Variants in LRIT3 observed in about 807,000 individuals in gnomAD.
LRIT3 encodes leucine-rich repeat, immunoglobulin-like domain and transmembrane domain-containing protein 3.
In LRIT3, 14 loss-of-function variants were observed where a neutral mutation model predicts 22.6. The observed-to-expected ratio is 0.62, with a 90% CI of 0.41 to 0.97. The LOEUF is 0.97. LRIT3 is among the 50% of genes least tolerant of loss of function. The probability of loss-of-function intolerance (pLI) is 0.00; values close to 1 mark genes in which losing one functional copy is unlikely to be tolerated. For missense variants in LRIT3, 783 were observed against 803.0 expected, an observed-to-expected ratio of 0.98 and a Z score of 0.30; for synonymous variants, 306 against 304.5, an observed-to-expected ratio of 1.01 and a Z score of -0.05.
At chr4:109,849,554 A>C (rs1734158380) in intron 1 of LRIT3, among the ~76,000 whole-genome samples, 1 of 152,256 alleles carries the variant, frequency 6.6e-6, no homozygotes, top group African/African-American at 2.4e-5. Flanking sequence ...TAAAGATGCT[A>C]GATCTTTTAG....
intron 2 of LRIT3, among the ~76,000 whole-genome samples, chr4:109,858,189 A>G (rs1382560368): frequency 6.6e-6 from 1 of 152,130 alleles, no homozygotes; most frequent in African/African-American, 2.4e-5. Flanking sequence ...TCATGGCTCG[A>G]ATAAGAGGAG....
At chr4:109,865,879 A>G (rs763139576) in intron 2 of LRIT3, among the ~76,000 whole-genome samples, 8 of 152,224 alleles carry the variant, frequency 5.3e-5, no homozygotes, top group Non-Finnish European at 1.0e-4. Context: ...ACTTAATCAT[A>G]GCAATATAAA....
In LRIT3 at chr4:109,870,520, G is replaced by T; in HGVS notation, c.1771G>T (p.Ala591Ser). 1.2e-6 allele frequency: 2 copies of T among 1,614,210 alleles called. No homozygotes were observed. Among genetic ancestry groups the T allele is most frequent in the Non-Finnish European group, 8.5e-7 (1 of 1,180,032 alleles). ...TCTCCTTCTCGTGGTGACCAGTACT[G>T]CCTGTGTTGTTATCTTACCATTGAT... is the stretch of plus-strand genomic sequence containing the variant. ...WSLLLVVTST[A>S]CVVILPLICF... The change falls in exon 4 of 4, where the codon GCC becomes TCC. Residue 591 changes from alanine to serine, a missense_variant. By Grantham distance (99) the Ala-to-Ser change is moderately conservative. Around this residue, in one of 2 missense-constraint regions of LRIT3, gnomAD observed 756 missense variants for 753.8 expected, o/e 1.00. Transcript: ENST00000594814.
At chr4:109,852,118 C>T (rs1734288965) in intron 2 of LRIT3, 142 bp downstream of exon 2, 1 of 762,094 alleles carries the variant, frequency 1.3e-6, no homozygotes, top group Non-Finnish European at 2.1e-6. Context: ...TATTAGTTAA[C>T]CTAGGTCAAG....
Position 109,869,928 on chromosome 4 carries a change from C to G in LRIT3, c.1179C>G (p.Pro393=), listed in dbSNP as rs938008451. 18 of 1,613,732 alleles carry G rather than the reference C, an allele frequency of 1.1e-5. No homozygotes were observed. The Admixed American group carries it at 1.7e-4, about 15-fold the overall frequency. Reference sequence around the variant, plus strand: ...ATCTTTGGTCCTCTTCCTTCTCCCCCACATCTTCTTTTTCTGCTTCTACTT... The same window carrying G: ...ATCTTTGGTCCTCTTCCTTCTCCCCGACATCTTCTTTTTCTGCTTCTACTT... The part of the protein sequence containing the change: ...SSYLWSSSFS[P]TSSFSASTLS... The change falls in exon 4 of 4, where the codon CCC becomes CCG. Residue 393 remains proline (P), a synonymous_variant. Coordinates refer to ENST00000594814, the MANE Select transcript of LRIT3 (RefSeq NM_198506.5).
intron 2 of LRIT3, among the ~76,000 whole-genome samples, chr4:109,852,470 T>C (rs546833078): frequency 8.5e-5 from 13 of 152,334 alleles, no homozygotes; most frequent in African/African-American, 2.9e-4. Flanking sequence ...AAAGAAATGG[T>C]GGAAACACCA....
At chr4:109,855,856 G>T (rs1391588715) in intron 2 of LRIT3, among the ~76,000 whole-genome samples, 1 of 152,178 alleles carries the variant, frequency 6.6e-6, no homozygotes, top group East Asian at 1.9e-4. Flanking sequence ...GGTTTTGAGT[G>T]AGTTTCTTAA....
At chr4:109,861,109 C>G (rs1263347547) in intron 2 of LRIT3, among the ~76,000 whole-genome samples, 2 of 152,158 alleles carry the variant, frequency 1.3e-5, no homozygotes, top group African/African-American at 4.8e-5. Context: ...TGGCTCACTC[C>G]TGTAATCCCA....
intron 3 of LRIT3, among the ~76,000 whole-genome samples, chr4:109,869,344 T>C (rs955374811): frequency 3.9e-5 from 6 of 152,216 alleles, no homozygotes; most frequent in African/African-American, 1.4e-4. Context: ...TTGACTTATC[T>C]ACAACCAAAC....
chr4:109,848,231 C>A lies in LRIT3; in HGVS notation c.30C>A (p.Val10=), dbSNP rs373793629. The change falls in exon 1 of 4, where the codon GTC becomes GTA. Residue 10 remains valine (V), a synonymous_variant. Coordinates refer to ENST00000594814, the MANE Select transcript of LRIT3 (RefSeq NM_198506.5). ...ATCTCTTTGCATGTCTGTGCATTGT[C>A]CTTAGCTTTTTGGAAGGAGTGGGCT... MHLFACLCI[V]LSFLEGVGCL... 105 of 1,231,880 alleles carry A rather than the reference C, an allele frequency of 8.5e-5. No homozygotes were observed. The highest frequency in any genetic ancestry group is 6.0e-4 in the East Asian group (19 of 31,706). 76.3% of individuals were successfully genotyped at this position (1,231,880 alleles called of 1,614,324 possible).
intron 2 of LRIT3, among the ~76,000 whole-genome samples, chr4:109,856,667 C>A (rs1303139696): frequency 6.6e-6 from 1 of 152,188 alleles, no homozygotes; most frequent in Non-Finnish European, 1.5e-5. Flanking sequence ...ATACAAAAAT[C>A]AGAAATATTC....
intron 2 of LRIT3, among the ~76,000 whole-genome samples, chr4:109,866,483 G>A (rs746467309): frequency 3.3e-5 from 5 of 152,112 alleles, no homozygotes; most frequent in Non-Finnish European, 7.4e-5. Flanking sequence ...TGGAGAGGCC[G>A]AGAATAAGAA....
At chr4:109,853,095 C>T (rs928346112) in intron 2 of LRIT3, among the ~76,000 whole-genome samples, 3 of 152,166 alleles carry the variant, frequency 2.0e-5, no homozygotes, top group Non-Finnish European at 4.4e-5. Context: ...TGGGTATATA[C>T]CCAGTAATGA....
In LRIT3 at chr4:109,867,651, C is replaced by T; in HGVS notation, c.600C>T (p.Asp200=). The T allele has an allele frequency of 6.2e-7, 1 of 1,613,458 alleles. No homozygotes were observed. The highest frequency in any genetic ancestry group is 8.5e-7 in the Non-Finnish European group (1 of 1,179,496). ...CACCTTCTGTTTTAGGTCTACAGGA[C>T]AATCCTTGGTTCTGTGACTGTCATA... ...SPSRIILGLQ[D]NPWFCDCHIS... The change falls in exon 3 of 4, where the codon GAC becomes GAT. Residue 200 remains aspartate (D), a synonymous_variant. Coordinates refer to ENST00000594814, the MANE Select transcript of LRIT3 (RefSeq NM_198506.5).
chr4:109,852,049 T>A, intron 2 of LRIT3, 73 bp downstream of exon 2: 1 of 1,372,524 alleles, frequency 7.3e-7, no homozygotes, highest in Non-Finnish European at 9.7e-7. Context: ...TCCAGTCTTT[T>A]AAAATTTGTT....
Position 109,867,965 on chromosome 4 carries a change from C to G in LRIT3, c.895+19C>G, listed in dbSNP as rs761059398. ...TATACAGGTATTTTCTTAATTCAGC[C>G]CCATGATCAAAGGAGTTTACTAAGC... On this transcript the variant is annotated intron_variant, in intron 3 of 3. Coordinates refer to ENST00000594814, the MANE Select transcript of LRIT3 (RefSeq NM_198506.5). The G allele has an allele frequency of 1.0e-5, 16 of 1,593,112 alleles. No individual in the cohort carries two copies. The highest frequency in any genetic ancestry group is 1.3e-5 in the Non-Finnish European group (15 of 1,167,320).
rs1734238049 is a variant in LRIT3, at chr4:109,850,947, A to AGTTC, written c.117-557_117-556insGTTC. Among the ~76,000 whole-genome samples, 6 of 142,204 alleles carry AGTTC rather than the reference A, an allele frequency of 4.2e-5. No individual in the cohort carries two copies. The South Asian group carries it at 1.4e-3, about 33-fold the overall frequency. The allele number at this position is 142,204 out of a possible 152,430, so 93.3% of individuals were successfully genotyped here. The stretch of plus-strand genomic sequence containing the variant: ...AGTTCAACTTTAAACATGTACTGTG[A>AGTTC]ACACTTTTTTTTTTCACCTAAATAA... On this transcript the variant is annotated intron_variant, in intron 1 of 3. Coordinates refer to ENST00000594814, the MANE Select transcript of LRIT3 (RefSeq NM_198506.5).
chr4:109,851,747 C>T lies in LRIT3; in HGVS notation c.360C>T (p.Phe120=), dbSNP rs1019111566. Residue 120 remains phenylalanine, a synonymous_variant, in exon 2 of 4, where the codon TTC becomes TTT. Coordinates refer to ENST00000594814, the MANE Select transcript of LRIT3 (RefSeq NM_198506.5). ...TGGATGGGAATTCTCTGGCTGCTTT[C>T]CCTTGGGCATCTCTGCTGGACATGC... ...LRLDGNSLAA[F]PWASLLDMPL... is the part of the protein sequence containing the mutation. 4 of 1,551,594 alleles carry T rather than the reference C, an allele frequency of 2.6e-6. No individual in the cohort carries two copies. The highest frequency in any genetic ancestry group is 3.5e-6 in the Non-Finnish European group (4 of 1,147,008).
intron 2 of LRIT3, among the ~76,000 whole-genome samples, chr4:109,866,331 C>T (rs1004146775): frequency 7.9e-5 from 12 of 152,080 alleles, no homozygotes; most frequent in African/African-American, 2.9e-4. Context: ...TGGAACATCA[C>T]CCCTAAGATC....
Sources: gnomAD v4.1 joint callset for allele counts (sites outside exome capture counted in the v4.1 genomes callset) on GRCh38, gnomAD v4.1.1 for gene constraint, gnomAD v4.1.1 regional missense constraint, MANE v1.5 for transcripts, NCBI Gene and HGNC (gene_info 2026-07-23, HGNC 2026-07-21) for gene names.